MTMR10: variants seen among roughly 807,000 people sequenced by gnomAD.
The protein encoded by MTMR10 is myotubularin related protein 10, also known as myotubularin-related protein 10.
A neutral mutation model predicts 88.1 loss-of-function variants in MTMR10; 56 were observed. That is an observed-to-expected ratio of 0.64 (90% CI 0.51 to 0.79). MTMR10 has a LOEUF of 0.79. MTMR10 is among the 30% of genes least tolerant of loss of function. The probability of loss-of-function intolerance (pLI) is 0.00; values close to 1 mark genes in which losing one functional copy is unlikely to be tolerated. For missense variants in MTMR10, 883 were observed against 924.7 expected (o/e 0.95, Z 0.58); for synonymous variants, 380 against 340.9 (o/e 1.11, Z -1.26).
intron 9 of MTMR10, among the ~76,000 whole-genome samples, chr15:30,956,771 C>A (rs537646327): frequency 2.3e-4 from 35 of 152,300 alleles, no homozygotes; most frequent in African/African-American, 8.4e-4. Flanking sequence ...ACTGAAACTG[C>A]CACTGATTAT....
chr15:30,957,937 T>C lies in MTMR10; in HGVS notation c.935+926A>G. ...GCTGGGTTTGTGGAAGCACATGGGT[T>C]TGCAAGGTGTCTGAAAAGTGAAGTG... is the stretch of plus-strand genomic sequence containing the variant. On this transcript the variant is annotated intron_variant, in intron 9 of 15. Transcript: ENST00000435680. Among the ~76,000 whole-genome samples the C allele has an allele frequency of 1.3e-5, 2 of 152,074 alleles. 1 individual carries two copies. Among genetic ancestry groups the C allele is most frequent in the Non-Finnish European group, 2.9e-5 (2 of 68,002 alleles).
chr15:30,957,473 A>G (rs564558929), intron 9 of MTMR10, among the ~76,000 whole-genome samples: 1 of 152,356 alleles, frequency 6.6e-6, no homozygotes, highest in East Asian at 1.9e-4. Flanking sequence ...CTGTAATCCC[A>G]GCACTTCGGT....
chr15:30,966,313 C>A (rs183889547), intron 6 of MTMR10, among the ~76,000 whole-genome samples: 1 of 152,252 alleles, frequency 6.6e-6, no homozygotes, highest in African/African-American at 2.4e-5. Context: ...ACCAGAGATG[C>A]CCACAAGGTA....
At chr15:30,959,208 T>C (rs927477092) in intron 7 of MTMR10, 87 bp from the exon 8 acceptor site, 5 of 1,223,278 alleles carry the variant, frequency 4.1e-6, no homozygotes, top group African/African-American at 1.5e-5. Flanking sequence ...ATTAAGCAAG[T>C]TGTCCGCATT....
At chr15:30,920,400 T>G in the MTMR10 span, 228 of 612,254 alleles carry the variant, frequency 3.7e-4, 2 homozygotes, top group South Asian at 4.7e-3. Context: ...TGTAGGTTTG[T>G]GGTGTAGAAA....
intron 6 of MTMR10, among the ~76,000 whole-genome samples, chr15:30,965,050 G>A (rs920492939): frequency 6.6e-6 from 1 of 152,182 alleles, no homozygotes; most frequent in African/African-American, 2.4e-5. Flanking sequence ...TCAACAAAGT[G>A]GTTCTTAACT....
intron 3 of MTMR10, among the ~76,000 whole-genome samples, chr15:30,975,601 G>A (rs1048132496): frequency 6.6e-6 from 1 of 151,924 alleles, no homozygotes; most frequent in Non-Finnish European, 1.5e-5. Flanking sequence ...AAACACACAA[G>A]CCTATATCCA....
At chr15:30,977,908 T>C (rs1013679410) in intron 2 of MTMR10, among the ~76,000 whole-genome samples, 7 of 152,338 alleles carry the variant, frequency 4.6e-5, no homozygotes, top group South Asian at 4.1e-4. Context: ...TAACTGCCCC[T>C]TAACATTTAC....
chr15:30,974,319 T>G lies in MTMR10; in HGVS notation c.469A>C (p.Lys157Gln). 1.9e-6 allele frequency: 3 copies of G among 1,598,090 alleles called. No homozygotes were observed. Residue 157 changes from lysine to glutamine, a missense_variant, in exon 5 of 16, where the codon AAA becomes CAA. Physicochemically the swap from Lys to Gln is moderately conservative, Grantham distance 53. This residue lies in a region of MTMR10 where 414 missense variants were observed against 423.2 expected (regional missense o/e 0.98). Coordinates refer to ENST00000435680, the MANE Select transcript of MTMR10 (RefSeq NM_017762.3). ...RFDESGPESA[K>Q]KVCLAIAHYS... ...ATAAACCTTAACAGTATTACCTTTTTAGCACTTTCGGGACCTGATTCATCA... is the reference window on the plus strand; with the variant it reads ...ATAAACCTTAACAGTATTACCTTTTGAGCACTTTCGGGACCTGATTCATCA...
At chr15:30,987,081 G>A (rs2030986758) in intron 2 of MTMR10, among the ~76,000 whole-genome samples, 1 of 152,204 alleles carries the variant, frequency 6.6e-6, no homozygotes, top group South Asian at 2.1e-4. Context: ...ATAATGAGAG[G>A]AAGATAAAGA....
intron 2 of MTMR10, among the ~76,000 whole-genome samples, chr15:30,986,276 C>G (rs2030934116): frequency 6.6e-6 from 1 of 151,998 alleles, no homozygotes; most frequent in Non-Finnish European, 1.5e-5. Flanking sequence ...GTGATCACAC[C>G]ACTACAGTCC....
intron 13 of MTMR10, among the ~76,000 whole-genome samples, chr15:30,947,845 C>A (rs1284433920): frequency 1.3e-5 from 2 of 152,178 alleles, no homozygotes; most frequent in African/African-American, 4.8e-5. Flanking sequence ...ATCTGACTGA[C>A]CTGCCTGGCC....
Position 30,941,627 on chromosome 15 carries a change from G to C in MTMR10, c.2177C>G (p.Thr726Ser). 6.2e-7 allele frequency: 1 copy of C among 1,606,558 alleles called. No homozygotes were observed. The highest frequency in any genetic ancestry group is 8.5e-7 in the Non-Finnish European group (1 of 1,176,324). The change falls in exon 16 of 16, where the codon ACC becomes AGC. Residue 726 changes from threonine to serine, a missense_variant. This residue lies in a region of MTMR10 where 343 missense variants were observed against 323.2 expected (regional missense o/e 1.06). Coordinates refer to ENST00000435680, the MANE Select transcript of MTMR10 (RefSeq NM_017762.3). ...MYFNASGPHH[T>S]DTSGTPEFLS... Reference sequence around the variant, plus strand: ...AAACTCCGGTGTCCCCGAGGTGTCGGTGTGGTGAGGGCCGCTGGCGTTGAA... The same window carrying C: ...AAACTCCGGTGTCCCCGAGGTGTCGCTGTGGTGAGGGCCGCTGGCGTTGAA...
chr15:30,991,359 C>T, intron 1 of MTMR10, 88 bp downstream of exon 1: 1 of 1,302,182 alleles, frequency 7.7e-7, no homozygotes, highest in Non-Finnish European at 1.0e-6. Flanking sequence ...GCGCAGCCTC[C>T]TGGGGTCCTC....
At position 30,990,817 on chromosome 15, in the gene MTMR10, C is replaced by T. The variant is rs1397619529; in HGVS notation, c.81G>A (p.Ser27=). 1 of 1,607,668 alleles carries T rather than the reference C, an allele frequency of 6.2e-7. No individual in the cohort carries two copies. The highest frequency in any genetic ancestry group is 1.7e-5 in the Admixed American group (1 of 59,266). The change falls in exon 2 of 16, where the codon TCG becomes TCA. Residue 27 remains serine (S), a synonymous_variant. Transcript: ENST00000435680. The part of the protein sequence containing the change: ...PPPQTDDKIN[S]EPKIKKLEPV... Reference sequence around the variant, plus strand: ...GCTCCAGTTTTTTAATCTTCGGTTCCGAATTGATCTTATCGTCAGTCTGAA... The same window carrying T: ...GCTCCAGTTTTTTAATCTTCGGTTCTGAATTGATCTTATCGTCAGTCTGAA...
In MTMR10 at chr15:30,974,983, A is replaced by G. The variant is rs756817079; in HGVS notation, c.279T>C (p.Leu93=). ...MPLQKFHYRN[L]LLGEHDVPLT... ...AAGGGACATCGTGTTCACCAAGAAG[A>G]AGGTTTCTGTAATGGAATTTCTGGA... The change falls in exon 4 of 16, where the codon CTT becomes CTC. Residue 93 remains leucine (L), a synonymous_variant. Coordinates refer to ENST00000435680, the MANE Select transcript of MTMR10 (RefSeq NM_017762.3). The G allele has an allele frequency of 3.8e-6, 6 of 1,574,030 alleles. No individual in the cohort carries two copies. The highest frequency in any genetic ancestry group is 2.3e-5 in the South Asian group (2 of 85,596).
chr15:30,983,439 T>C lies in MTMR10; in HGVS notation c.122-6484A>G, dbSNP rs188541408. ...ACAGTTAATAAACCTCCAAATGATA[T>C]GGCTAGGAAAGTTTTTAACTCCCTG... On this transcript the variant is annotated intron_variant, in intron 2 of 15. Transcript: ENST00000435680. Among the ~76,000 whole-genome samples the C allele has an allele frequency of 3.9e-5, 6 of 152,322 alleles. No individual in the cohort carries two copies. The East Asian group carries it at 1.2e-3, about 29-fold the overall frequency.
chr15:30,939,975 A>T lies in MTMR10; in HGVS notation c.*1495T>A. 3.1e-6 allele frequency: 3 copies of T among 981,606 alleles called. No individual in the cohort carries two copies. Among genetic ancestry groups the T allele is most frequent in the Non-Finnish European group, 3.6e-6 (3 of 826,458 alleles). 60.8% of individuals were successfully genotyped at this position (981,606 alleles called of 1,614,324 possible). On this transcript the variant is annotated 3_prime_UTR_variant, in exon 16 of 16. Coordinates refer to ENST00000435680, the MANE Select transcript of MTMR10 (RefSeq NM_017762.3). The stretch of plus-strand genomic sequence containing the variant: ...CTGTCCTGTTATATCCAGAGACATT[A>T]TCAAATTTTAAAAGGCAAATAATTC...
At position 30,974,434 on chromosome 15, in the gene MTMR10, C is replaced by A; in HGVS notation, c.354G>T (p.Gln118His). 1 of 1,567,110 alleles carries A rather than the reference C, an allele frequency of 6.4e-7. No individual in the cohort carries two copies. Among genetic ancestry groups the A allele is most frequent in the Non-Finnish European group, 8.7e-7 (1 of 1,154,494 alleles). The change falls in exon 5 of 16, where the codon CAG becomes CAT. Residue 118 changes from glutamine (Q) to histidine (H), a missense_variant. By Grantham distance (24) the Gln-to-His change is conservative (BLOSUM62 0). This residue lies in a region of MTMR10 where 414 missense variants were observed against 423.2 expected (regional missense o/e 0.98). Coordinates refer to ENST00000435680, the MANE Select transcript of MTMR10 (RefSeq NM_017762.3). ...IVTVNDHKRK[Q>H]KVLGPNQKLK... ...GTTTCTGGTTGGGGCCTAGGACTTT[C>A]TGCTTCCTCTTGTGGTCGTTTACTA...
Sources: allele counts gnomAD v4.1 joint callset (sites outside exome capture counted in the v4.1 genomes callset), GRCh38; gene constraint gnomAD v4.1.1; regional missense constraint gnomAD v4.1.1; transcripts MANE v1.5; gene names NCBI Gene and HGNC (gene_info 2026-07-23, HGNC 2026-07-21).